CCDC83: variants seen among roughly 807,000 people sequenced by gnomAD.
CCDC83 encodes the protein coiled-coil domain containing 83.
CCDC83 carries 54 observed loss-of-function variants against 50.1 expected under a neutral mutation model. That is an observed-to-expected ratio of 1.08 (90% CI 0.87 to 1.35). The LOEUF (loss-of-function observed/expected upper bound fraction) is 1.35, where lower values mean the gene tolerates loss of function less well. Among genes scored for constraint, CCDC83 ranks in the 40% most tolerant of loss-of-function variants. The pLI is 0.00. For missense variants in CCDC83, 518 were observed against 473.9 expected (o/e 1.09, Z -0.86); for synonymous variants, 161 against 153.3 (o/e 1.05, Z -0.37).
At chr11:85,886,427 T>G (rs142515967) in intron 5 of CCDC83, 60 bp downstream of exon 5, 45 of 1,368,154 alleles carry the variant, frequency 3.3e-5, no homozygotes, top group Middle Eastern at 1.9e-4. Context: ...GGGCATACAT[T>G]GATGGAAGAA....
chr11:85,895,250 A>G, intron 5 of CCDC83, 43 bp from the exon 6 acceptor site: 1 of 841,744 alleles, frequency 1.2e-6, no homozygotes, highest in Non-Finnish European at 1.7e-6. Flanking sequence ...ATGCTTGATA[A>G]GGCTTTTAAT....
intron 7 of CCDC83, among the ~76,000 whole-genome samples, chr11:85,904,539 G>A (rs768154590): frequency 2.6e-5 from 4 of 152,142 alleles, no homozygotes; most frequent in Non-Finnish European, 4.4e-5. Context: ...TTGAGAGAAC[G>A]CACTTCAGCT....
At chr11:85,910,627 T>A (rs1018096448) in intron 7 of CCDC83, among the ~76,000 whole-genome samples, 3 of 152,252 alleles carry the variant, frequency 2.0e-5, no homozygotes, top group Non-Finnish European at 4.4e-5. Flanking sequence ...TCAGCCATGT[T>A]TTCTTAGTTA....
intron 10 of CCDC83, 21 bp downstream of exon 10, chr11:85,916,254 A>T (rs2093476962): frequency 6.8e-7 from 1 of 1,471,650 alleles, no homozygotes; most frequent in African/African-American, 1.4e-5. Context: ...TAACAACACA[A>T]CTTTGACTAC....
At chr11:85,915,584 GC>G in intron 9 of CCDC83, 86 bp downstream of exon 9, 1 of 895,426 alleles carries the variant, frequency 1.1e-6, no homozygotes. Flanking sequence ...GTGAGCAGGT[GC>G]CCCACATACA....
intron 10 of CCDC83, among the ~76,000 whole-genome samples, chr11:85,918,251 C>T (rs1039450389): frequency 5.9e-5 from 9 of 152,100 alleles, no homozygotes; most frequent in African/African-American, 2.2e-4. Context: ...GGCCTTGCCC[C>T]CAAATCACTT....
At chr11:85,883,295 T>TG (rs1565142354) in intron 4 of CCDC83, among the ~76,000 whole-genome samples, 1 of 152,030 alleles carries the variant, frequency 6.6e-6, no homozygotes, top group Non-Finnish European at 1.5e-5. Flanking sequence ...TTTCTTTTTT[T>TG]TCTTTTTTTT....
intron 3 of CCDC83, among the ~76,000 whole-genome samples, chr11:85,875,098 A>T (rs1200425257): frequency 6.6e-6 from 1 of 152,240 alleles, no homozygotes; most frequent in Non-Finnish European, 1.5e-5. Flanking sequence ...CAAAGGCAGG[A>T]AAGTTCCCAA....
rs140529010 is a variant in CCDC83, at chr11:85,910,553, T to C, written c.673-728T>C. Among the ~76,000 whole-genome samples the C allele has an allele frequency of 4.3e-3, 654 of 152,344 alleles. 5 individuals are homozygous for C. Among genetic ancestry groups the C allele is most frequent in the African/African-American group, 0.015 (624 of 41,576 alleles). The stretch of plus-strand genomic sequence containing the variant: ...CCCAGTGTTATTGGTTTTCATTGTA[T>C]TGTTTATAATTACCCTTAGATAGGG... On this transcript the variant is annotated intron_variant, in intron 7 of 10. Transcript: ENST00000342404.
chr11:85,890,380 C>G (rs932059738), intron 5 of CCDC83, among the ~76,000 whole-genome samples: 2 of 152,132 alleles, frequency 1.3e-5, no homozygotes, highest in African/African-American at 4.8e-5. Flanking sequence ...TTGCTGGAGA[C>G]AGCTGACTAG....
chr11:85,905,374 A>C (rs537067065), intron 7 of CCDC83, among the ~76,000 whole-genome samples: 66 of 151,212 alleles, frequency 4.4e-4, no homozygotes, highest in African/African-American at 1.6e-3. Context: ...CCCAGGAGGC[A>C]AAGTTTGCAG....
At chr11:85,880,139 C>G (rs2093291773) in intron 3 of CCDC83, among the ~76,000 whole-genome samples, 1 of 152,076 alleles carries the variant, frequency 6.6e-6, no homozygotes, top group Non-Finnish European at 1.5e-5. Flanking sequence ...ATATTTGCCC[C>G]CTGACCCAAA....
chr11:85,903,449 C>T (rs2093411375), intron 7 of CCDC83, among the ~76,000 whole-genome samples: 2 of 151,216 alleles, frequency 1.3e-5, no homozygotes, highest in African/African-American at 4.9e-5. Flanking sequence ...CACATGCCAC[C>T]ACGTTCCATC....
At position 85,878,836 on chromosome 11, in the gene CCDC83, T is replaced by C. The variant is rs145489890; in HGVS notation, c.181-3677T>C. ...GTTTCTCCTCATCCTCTTCAGAATT[T>C]AGTGATGCCGCTATGCACTATTTTA... On this transcript the variant is annotated intron_variant, in intron 3 of 10. Coordinates refer to ENST00000342404, the MANE Select transcript of CCDC83 (RefSeq NM_001286159.2). 7.9e-5 allele frequency among the ~76,000 whole-genome samples: 12 copies of C among 152,314 alleles called. No homozygotes were observed. The East Asian group carries it at 9.6e-4, about 12-fold the overall frequency.
At chr11:85,861,144 G>A (rs778229263) in intron 1 of CCDC83, among the ~76,000 whole-genome samples, 17 of 152,234 alleles carry the variant, frequency 1.1e-4, no homozygotes, top group Non-Finnish European at 2.1e-4. Flanking sequence ...TATAGAAGTA[G>A]TTAGGTGTCA....
At chr11:85,885,357 T>C (rs771170238) in intron 4 of CCDC83, among the ~76,000 whole-genome samples, 1 of 152,164 alleles carries the variant, frequency 6.6e-6, no homozygotes, top group Non-Finnish European at 1.5e-5. Flanking sequence ...CGCCAACTAA[T>C]TGCCAGGCTC....
chr11:85,896,420 A>C (rs1358451930), intron 6 of CCDC83, among the ~76,000 whole-genome samples: 1 of 151,184 alleles, frequency 6.6e-6, no homozygotes, highest in East Asian at 1.9e-4. Flanking sequence ...AAAAAAAAAA[A>C]AAAAAAACCA....
intron 2 of CCDC83, among the ~76,000 whole-genome samples, chr11:85,869,574 G>A (rs900689360): frequency 6.6e-6 from 1 of 152,216 alleles, no homozygotes; most frequent in Non-Finnish European, 1.5e-5. Flanking sequence ...AATATAGAGA[G>A]TGGGGGAAAG....
At chr11:85,918,756 C>T (rs1349213661) in intron 10 of CCDC83, among the ~76,000 whole-genome samples, 1 of 152,076 alleles carries the variant, frequency 6.6e-6, no homozygotes, top group Non-Finnish European at 1.5e-5. Flanking sequence ...GAAAAGTGGG[C>T]TGGAGGGGAA....
Sources: gnomAD v4.1 joint callset for allele counts (sites outside exome capture counted in the v4.1 genomes callset) on GRCh38, gnomAD v4.1.1 for gene constraint, MANE v1.5 for transcripts, NCBI Gene and HGNC (gene_info 2026-07-23, HGNC 2026-07-21) for gene names.